The following ZDHHC7 variants were observed in gnomAD, a reference collection of about 807,000 sequenced individuals.
ZDHHC7 encodes the protein palmitoyltransferase ZDHHC7.
A neutral mutation model predicts 34.1 loss-of-function variants in ZDHHC7; 12 were observed. The ratio of observed to expected loss-of-function variants is 0.35; its 90% confidence interval spans 0.23 to 0.57. ZDHHC7 has a LOEUF of 0.57. ZDHHC7 is among the 20% of genes least tolerant of loss of function. The pLI is 0.84. For synonymous variants in ZDHHC7, 185 were observed against 155.4 expected (o/e 1.19, Z -1.42); for missense variants, 388 against 402.7 (o/e 0.96, Z 0.31).
At position 84,990,568 on chromosome 16, in the gene ZDHHC7, C is replaced by G; in HGVS notation, c.51G>C (p.Leu17=). 1 of 1,614,068 alleles carries G rather than the reference C, an allele frequency of 6.2e-7. No homozygotes were observed. Among genetic ancestry groups the G allele is most frequent in the African/African-American group, 1.3e-5 (1 of 75,026 alleles). ...RLRDVEHHPL[L]AENDNYDSSS... ...AAGAGTCATAGTTGTCATTTTCAGC[C>G]AGGAGAGGATGATGCTCGACGTCCC... is the stretch of plus-strand genomic sequence containing the variant. Residue 17 remains leucine (L), a synonymous_variant, in exon 3 of 8, where the codon CTG becomes CTC. Coordinates refer to ENST00000313732, the MANE Select transcript of ZDHHC7 (RefSeq NM_017740.3).
At chr16:85,008,216 CTCT>C (rs1339328542) in intron 1 of ZDHHC7, among the ~76,000 whole-genome samples, 1 of 152,054 alleles carries the variant, frequency 6.6e-6, no homozygotes, top group Non-Finnish European at 1.5e-5. Context: ...GAGGGGGGAG[CTCT>C]TCGTCACAGG....
At chr16:84,980,067 TC>T (rs2072348034) in intron 4 of ZDHHC7, among the ~76,000 whole-genome samples, 1 of 150,612 alleles carries the variant, frequency 6.6e-6, no homozygotes, top group African/African-American at 2.4e-5. Flanking sequence ...TTCACGCCAT[TC>T]TCCTGCCTCA....
chr16:84,983,235 G>A (rs1177073401), intron 3 of ZDHHC7, among the ~76,000 whole-genome samples: 2 of 152,362 alleles, frequency 1.3e-5, no homozygotes, highest in South Asian at 2.1e-4. Context: ...GATATAGGTG[G>A]GGCAAATGGA....
chr16:85,019,973 C>T, the ZDHHC7 span, among the ~76,000 whole-genome samples: 1 of 152,168 alleles, frequency 6.6e-6, no homozygotes, highest in South Asian at 2.1e-4. Flanking sequence ...TCTCTTTGTA[C>T]AGCTGCAGAA....
intron 3 of ZDHHC7, among the ~76,000 whole-genome samples, chr16:84,984,090 G>A (rs2072406217): frequency 6.8e-6 from 1 of 146,998 alleles, no homozygotes; most frequent in African/African-American, 2.5e-5. Flanking sequence ...TGTGATCTTG[G>A]CTCACTGCAA....
rs576603861 is a variant in ZDHHC7, at chr16:85,007,338, G to A, written c.-104+3948C>T. Among the ~76,000 whole-genome samples the A allele has an allele frequency of 3.5e-3, 520 of 150,324 alleles. 1 individual carries two copies. Among genetic ancestry groups the A allele is most frequent in the Non-Finnish European group, 5.9e-3 (403 of 67,856 alleles). On this transcript the variant is annotated intron_variant, in intron 1 of 7. Transcript: ENST00000313732. The stretch of plus-strand genomic sequence containing the variant: ...CTCGGGAGGCTGAGGCAGGAGAACC[G>A]CTTGAACCTGGGAGGCGGAGGTTGC...
At chr16:84,991,511 C>T (rs2072509578) in intron 2 of ZDHHC7, among the ~76,000 whole-genome samples, 1 of 152,198 alleles carries the variant, frequency 6.6e-6, no homozygotes, top group South Asian at 2.1e-4. Flanking sequence ...TGGTCTCAAA[C>T]TCCTGACCTC....
intron 4 of ZDHHC7, among the ~76,000 whole-genome samples, chr16:84,980,233 G>A (rs2072350363): frequency 2.0e-5 from 3 of 151,502 alleles, no homozygotes; most frequent in Non-Finnish European, 2.9e-5. Context: ...CCAAAGTGCT[G>A]GGATTACAGG....
At chr16:85,025,421 G>GGA in the ZDHHC7 span, among the ~76,000 whole-genome samples, 9 of 116,430 alleles carry the variant, frequency 7.7e-5, no homozygotes, top group East Asian at 1.6e-3. Flanking sequence ...TTCCTTTTTT[G>GGA]GGGGGGGGGA....
the ZDHHC7 span, among the ~76,000 whole-genome samples, chr16:85,018,250 C>A: frequency 6.6e-6 from 1 of 151,950 alleles, no homozygotes; most frequent in Admixed American, 6.6e-5. Flanking sequence ...CAGGAAGACA[C>A]AAAAGAGTAC....
chr16:85,007,833 T>G lies in ZDHHC7; in HGVS notation c.-104+3453A>C, dbSNP rs147462837. Among the ~76,000 whole-genome samples the G allele has an allele frequency of 8.5e-4, 129 of 152,112 alleles. 1 individual carries two copies. In the East Asian group the frequency reaches 0.023, roughly 27 times the overall value. ...GGAAGGGACCAGGAAAGAAGTAGGA[T>G]ATGTAGTAAATAATTTAACCAGGCC... is the stretch of plus-strand genomic sequence containing the variant. On this transcript the variant is annotated intron_variant, in intron 1 of 7. Transcript: ENST00000313732.
intron 3 of ZDHHC7, among the ~76,000 whole-genome samples, chr16:84,984,076 G>C (rs937059033): frequency 5.3e-5 from 8 of 149,568 alleles, no homozygotes; most frequent in African/African-American, 2.0e-4. Flanking sequence ...CTGGAGTGCA[G>C]TGGTGTGATC....
intron 2 of ZDHHC7, among the ~76,000 whole-genome samples, chr16:84,995,483 G>A (rs1014755389): frequency 5.3e-5 from 8 of 152,118 alleles, no homozygotes; most frequent in South Asian, 2.1e-4. Flanking sequence ...AAAATTAGCC[G>A]GGCATGATGG....
the ZDHHC7 span, among the ~76,000 whole-genome samples, chr16:85,023,394 A>C: frequency 2.6e-5 from 4 of 152,092 alleles, no homozygotes. Flanking sequence ...TGAACTCCTG[A>C]CCTCAGGTGA....
chr16:84,984,027 T>C (rs908045788), intron 3 of ZDHHC7, among the ~76,000 whole-genome samples: 3 of 151,602 alleles, frequency 2.0e-5, no homozygotes, highest in Admixed American at 1.3e-4. Context: ...TTTTTTTTTT[T>C]TCTTTTTGTT....
chr16:84,976,713 C>T (rs1315106017), intron 7 of ZDHHC7, among the ~76,000 whole-genome samples, 194 bp from the exon 8 acceptor site: 1 of 152,244 alleles, frequency 6.6e-6, no homozygotes, highest in East Asian at 1.9e-4. Flanking sequence ...GCCACGTGGC[C>T]AGCCCAGACT....
At chr16:85,014,473 G>C (rs985128274), upstream of ZDHHC7, among the ~76,000 whole-genome samples, 2 of 152,154 alleles carry the variant, frequency 1.3e-5, no homozygotes, top group African/African-American at 4.8e-5. Context: ...ATCTGGTGTT[G>C]AGTTAGGTAC....
the ZDHHC7 span, among the ~76,000 whole-genome samples, chr16:85,022,510 A>C: frequency 6.6e-6 from 1 of 152,094 alleles, no homozygotes; most frequent in East Asian, 1.9e-4. Flanking sequence ...GCAAAAGAGT[A>C]AGACTCTGTC....
chr16:85,017,477 T>C, the ZDHHC7 span, among the ~76,000 whole-genome samples: 1 of 152,276 alleles, frequency 6.6e-6, no homozygotes, highest in Non-Finnish European at 1.5e-5. Flanking sequence ...GCACATCCTA[T>C]GCTCACCAAG....
Sources: allele counts gnomAD v4.1 joint callset (sites outside exome capture counted in the v4.1 genomes callset), GRCh38; gene constraint gnomAD v4.1.1; transcripts MANE v1.5; gene names NCBI Gene and HGNC (gene_info 2026-07-23, HGNC 2026-07-21).